Variants in XRRA1 observed in about 807,000 individuals in gnomAD.
XRRA1 encodes the protein X-ray radiation resistance-associated protein 1.
A neutral mutation model predicts 80.2 loss-of-function variants in XRRA1; 69 were observed. The ratio of observed to expected loss-of-function variants is 0.86; its 90% CI spans 0.71 to 1.05. The LOEUF is 1.05. XRRA1 is among the 50% of genes least tolerant of loss of function. The pLI is 0.00. For synonymous variants in XRRA1, 348 were observed against 389.9 expected, an observed-to-expected ratio of 0.89 and a Z score of 1.27; for missense variants, 967 against 976.4, an observed-to-expected ratio of 0.99 and a Z score of 0.13.
At position 74,843,009 on chromosome 11, in the gene XRRA1, C is replaced by G. The variant is rs774365919; in HGVS notation, c.*191G>C. On this transcript the variant is annotated 3_prime_UTR_variant, in exon 19 of 19. Coordinates refer to ENST00000684022, the MANE Select transcript of XRRA1 (RefSeq NM_001378157.1). ...CTCTTTATTGCCGCTGGGCCAGGCACCAGGTCATGCCTGGGCCAAGGAGGG... is the reference window on the plus strand; with the variant it reads ...CTCTTTATTGCCGCTGGGCCAGGCAGCAGGTCATGCCTGGGCCAAGGAGGG... 7 of 712,942 alleles carry G rather than the reference C, an allele frequency of 9.8e-6. No individual in the cohort carries two copies. The highest frequency in any genetic ancestry group is 3.6e-5 in the African/African-American group (2 of 56,056). The allele number at this position is 712,942 out of a possible 1,614,324, so 44.2% of individuals were successfully genotyped here. A position where few individuals can be genotyped will look rare whatever the true frequency, so the allele number is the denominator to read the frequency against.
rs775669740 is a variant in XRRA1, at chr11:74,844,187, T to C, written c.2024A>G (p.Tyr675Cys). 9 of 1,613,852 alleles carry C rather than the reference T, an allele frequency of 5.6e-6. No individual in the cohort carries two copies. The highest frequency in any genetic ancestry group is 2.2e-5 in the South Asian group (2 of 91,084). Reference sequence around the variant, plus strand: ...GTTTACCCGTTTCTCTTTGTGAACATAGGGTTTCTGAAGAGTGTCCAGCTT... The same window carrying C: ...GTTTACCCGTTTCTCTTTGTGAACACAGGGTTTCTGAAGAGTGTCCAGCTT... Reference protein sequence around the residue: ...KPKLDTLQKPYVHKEKRAQRI... With the variant: ...KPKLDTLQKPCVHKEKRAQRI... Residue 675 changes from tyrosine (Y) to cysteine (C), a missense_variant, in exon 17 of 19, where the codon TAT (tyrosine) becomes TGT (cysteine). Physicochemically the swap from Tyr to Cys is radical, Grantham distance 194. Transcript: ENST00000684022.
chr11:74,919,086 A>G (rs1939801973), intron 8 of XRRA1: 1 of 152,272 alleles, frequency 6.6e-6, no homozygotes, highest in Non-Finnish European at 1.5e-5. Flanking sequence ...TAGCTCTTCC[A>G]TCCCTTCTAA....
At chr11:74,923,733 T>G (rs1466982077) in intron 7 of XRRA1, among the ~76,000 whole-genome samples, 2 of 152,190 alleles carry the variant, frequency 1.3e-5, no homozygotes, top group African/African-American at 4.8e-5. Context: ...ATCACTACAC[T>G]CTACTGTGTC....
At chr11:74,849,855 C>A (rs1331822328) in intron 14 of XRRA1, among the ~76,000 whole-genome samples, 1 of 152,206 alleles carries the variant, frequency 6.6e-6, no homozygotes, top group South Asian at 2.1e-4. Context: ...CATTTTCCTC[C>A]TGTCTGTCCA....
chr11:74,847,392 C>T (rs1008247077), intron 15 of XRRA1, among the ~76,000 whole-genome samples: 1 of 152,154 alleles, frequency 6.6e-6, no homozygotes, highest in Non-Finnish European at 1.5e-5. Context: ...GCCAACTCTT[C>T]TAGCCTTATA....
In XRRA1 at chr11:74,843,219, G is replaced by T; in HGVS notation, c.2384C>A (p.Ala795Asp). ...ACAGCTCTAGCCTTGTGAGTCACTG[G>T]CTGTGGGCTCCTGGCAGAACTCATC... ...FMDEFCQEPTASDSQG is the reference protein window; with the variant it reads ...FMDEFCQEPTDSDSQG The change falls in exon 19 of 19, where the codon GCC becomes GAC. Residue 795 changes from alanine (A) to aspartate (D), a missense_variant. By Grantham distance (126) the Ala-to-Asp change is moderately radical. Transcript: ENST00000684022. 6.4e-7 allele frequency: 1 copy of T among 1,558,298 alleles called. No homozygotes were observed. The highest frequency in any genetic ancestry group is 8.7e-7 in the Non-Finnish European group (1 of 1,151,042).
chr11:74,937,632 C>T (rs930151979), intron 3 of XRRA1, among the ~76,000 whole-genome samples: 1 of 151,698 alleles, frequency 6.6e-6, no homozygotes, highest in South Asian at 2.1e-4. Context: ...TAATACATGT[C>T]TACTGTAGAA....
At chr11:74,860,584 G>C (rs1249293157) in intron 11 of XRRA1, among the ~76,000 whole-genome samples, 1 of 152,238 alleles carries the variant, frequency 6.6e-6, no homozygotes, top group Non-Finnish European at 1.5e-5. Flanking sequence ...TAGATTTTCA[G>C]ATGTCAGAGA....
chr11:74,845,305 CTCATTCAT>C (rs753326460), intron 15 of XRRA1, 34 bp from the exon 16 acceptor site: 1 of 1,569,558 alleles, frequency 6.4e-7, no homozygotes, highest in Non-Finnish European at 8.7e-7. Flanking sequence ...TCATTTGTCA[CTCATTCAT>C]TCATTCATTC....
In XRRA1 at chr11:74,859,191, T is replaced by C. The variant is rs2041799573; in HGVS notation, c.1137A>G (p.Pro379=). Residue 379 remains proline, a synonymous_variant, in exon 12 of 19, where the codon CCA becomes CCG. Transcript: ENST00000684022. ...AGGCCAGGCTAAGGTATCTCAGCTC[T>C]GGGAAGGGTGGGGCCAGCGTCTGGT... ...ARNQTLAPPF[P]ELRYLSLAYN... 3.7e-6 allele frequency: 6 copies of C among 1,608,892 alleles called. No individual in the cohort carries two copies. The highest frequency in any genetic ancestry group is 5.1e-6 in the Non-Finnish European group (6 of 1,178,106).
intron 7 of XRRA1, 87 bp downstream of exon 7, chr11:74,927,304 T>C (rs1033468378): frequency 4.6e-5 from 21 of 459,538 alleles, no homozygotes; most frequent in Non-Finnish European, 6.8e-5. Flanking sequence ...GCAAGCCCCT[T>C]CCCAACAGTT....
chr11:74,883,527 G>T (rs1214577197), intron 10 of XRRA1, among the ~76,000 whole-genome samples: 2 of 152,162 alleles, frequency 1.3e-5, no homozygotes, highest in East Asian at 3.9e-4. Context: ...CGGCCATCTT[G>T]GCTCCCAGCG....
intron 8 of XRRA1, among the ~76,000 whole-genome samples, chr11:74,916,925 T>C (rs1353824398): frequency 1.3e-5 from 2 of 152,356 alleles, no homozygotes; most frequent in East Asian, 1.9e-4. Flanking sequence ...TCTGGATATA[T>C]GTGGTGACAT....
Position 74,933,806 on chromosome 11 carries a change from A to T in XRRA1, c.346T>A (p.Ser116Thr). Residue 116 changes from serine to threonine, a missense_variant, in exon 5 of 19, where the codon TCC becomes ACC. Ser to Thr is a moderately conservative substitution (Grantham distance 58). Transcript: ENST00000684022. ...CTINVSGLKF[S>T]KAKENDFKHF... ...TCTTTGCTGGCTGACCTCACCTTGG[A>T]GAACTTCAGGCCACTCACATTAATG... The T allele has an allele frequency of 6.3e-7, 1 of 1,592,940 alleles. No individual in the cohort carries two copies. The highest frequency in any genetic ancestry group is 8.6e-7 in the Non-Finnish European group (1 of 1,169,230).
chr11:74,900,279 T>C (rs1000003493), intron 10 of XRRA1, among the ~76,000 whole-genome samples: 2 of 152,002 alleles, frequency 1.3e-5, no homozygotes, highest in Non-Finnish European at 2.9e-5. Flanking sequence ...AATTCAACAG[T>C]ATATTAAGAA....
chr11:74,859,423 TA>T, intron 11 of XRRA1, 140 bp from the exon 12 acceptor site: 1 of 928,616 alleles, frequency 1.1e-6, no homozygotes, highest in Non-Finnish European at 1.6e-6. Context: ...TGTAGGGTCA[TA>T]AGGGTAGATG....
Position 74,909,296 on chromosome 11 carries a change from T to C in XRRA1, c.657-2023A>G, listed in dbSNP as rs1411064062. 2.6e-5 allele frequency among the ~76,000 whole-genome samples: 4 copies of C among 152,204 alleles called. 1 individual carries two copies. The highest frequency in any genetic ancestry group is 9.6e-5 in the African/African-American group (4 of 41,452). On this transcript the variant is annotated intron_variant, in intron 8 of 18. Transcript: ENST00000684022. ...GGTCATGAGTGTGCCCTTTCCTCTT[T>C]CTGGAAGGACCAACTTTCATACATT...
At chr11:74,862,136 C>T (rs1201312894) in intron 11 of XRRA1, among the ~76,000 whole-genome samples, 10 of 152,144 alleles carry the variant, frequency 6.6e-5, no homozygotes, top group African/African-American at 7.2e-5. Context: ...GCAATGTAGC[C>T]CAGGAGGAAA....
chr11:74,906,489 G>C (rs2054626420), intron 9 of XRRA1, 33 bp from the exon 10 acceptor site: 14 of 1,605,680 alleles, frequency 8.7e-6, no homozygotes, highest in Non-Finnish European at 1.2e-5. Context: ...TAGAATCATA[G>C]CAATAATGAT....
Sources: allele counts gnomAD v4.1 joint callset (sites outside exome capture counted in the v4.1 genomes callset), GRCh38; gene constraint gnomAD v4.1.1; transcripts MANE v1.5; gene names NCBI Gene and HGNC (gene_info 2026-07-23, HGNC 2026-07-21).